The following AGBL4 variants were observed in gnomAD, a reference collection of about 807,000 sequenced individuals.
AGBL4 encodes the protein cytosolic carboxypeptidase 6.
A neutral mutation model predicts 66.4 loss-of-function variants in AGBL4; 58 were observed. That is an observed-to-expected ratio of 0.87 (90% CI 0.71 to 1.09). The LOEUF is 1.09. Ranked by LOEUF, AGBL4 falls within the 50% of genes least tolerant of loss-of-function variation. The probability of loss-of-function intolerance (pLI) is 0.00; values close to 1 mark genes in which losing one functional copy is unlikely to be tolerated. For missense variants in AGBL4, 579 were observed against 631.0 expected, an observed-to-expected ratio of 0.92 and a Z score of 0.88; for synonymous variants, 234 against 222.9, an observed-to-expected ratio of 1.05 and a Z score of -0.44.
At chr1:48,781,370 A>G (rs904133207) in intron 6 of AGBL4, among the ~76,000 whole-genome samples, 3 of 152,220 alleles carry the variant, frequency 2.0e-5, no homozygotes, top group Non-Finnish European at 4.4e-5. Flanking sequence ...GTCTATGGAT[A>G]CAGCTTAATG....
chr1:49,268,082 G>A (rs1387532400), intron 3 of AGBL4: 2 of 152,006 alleles, frequency 1.3e-5, no homozygotes, highest in Non-Finnish European at 2.9e-5. Context: ...TATTAAACAG[G>A]TTCTCCTTCC....
intron 4 of AGBL4, among the ~76,000 whole-genome samples, chr1:49,094,420 C>T (rs529789647): frequency 6.6e-6 from 1 of 152,180 alleles, no homozygotes; most frequent in East Asian, 1.9e-4. Context: ...TTGTTAAAGG[C>T]CTTTTCTGCA....
intron 3 of AGBL4, among the ~76,000 whole-genome samples, chr1:49,555,005 A>G (rs1429162638): frequency 6.6e-6 from 1 of 152,176 alleles, no homozygotes. Context: ...AGAAAGATTT[A>G]CTGTGAAGAG....
At chr1:48,761,453 C>G in intron 6 of AGBL4, 1 of 1,551,036 alleles carries the variant, frequency 6.4e-7, no homozygotes, top group Non-Finnish European at 8.7e-7. Flanking sequence ...ACACTGTTTT[C>G]AAGGTCAGAT....
At chr1:49,840,695 G>C (rs1645969149) in intron 2 of AGBL4, among the ~76,000 whole-genome samples, 1 of 152,076 alleles carries the variant, frequency 6.6e-6, no homozygotes. Context: ...TTTATTCCCA[G>C]GATGAAGTCA....
intron 1 of AGBL4, among the ~76,000 whole-genome samples, chr1:49,946,803 C>T (rs963477321): frequency 2.6e-5 from 4 of 151,628 alleles, no homozygotes; most frequent in South Asian, 4.2e-4. Flanking sequence ...ATTGATAGAC[C>T]ATTACCAAGA....
chr1:49,083,116 C>A (rs1644837264), intron 4 of AGBL4, among the ~76,000 whole-genome samples: 1 of 152,170 alleles, frequency 6.6e-6, no homozygotes, highest in Non-Finnish European at 1.5e-5. Flanking sequence ...ACCCTCCTGG[C>A]TGCTTTCATG....
At chr1:48,605,695 C>T (rs896360708) in intron 9 of AGBL4, among the ~76,000 whole-genome samples, 9 of 152,140 alleles carry the variant, frequency 5.9e-5, no homozygotes, top group African/African-American at 1.7e-4. Context: ...ATAGTAGGTG[C>T]TAAGGAAATC....
At chr1:49,158,381 G>A (rs1646476028) in intron 4 of AGBL4, among the ~76,000 whole-genome samples, 3 of 152,078 alleles carry the variant, frequency 2.0e-5, no homozygotes, top group South Asian at 2.1e-4. Context: ...CTATCATTGA[G>A]TGAGTTTCTT....
chr1:48,619,238 G>A (rs1013969845), intron 9 of AGBL4, among the ~76,000 whole-genome samples: 11 of 152,200 alleles, frequency 7.2e-5, no homozygotes, highest in Non-Finnish European at 1.5e-5. Context: ...GCTATGCTCT[G>A]TGCAAGAGAG....
At chr1:49,709,991 G>A (rs1380912195) in intron 2 of AGBL4, among the ~76,000 whole-genome samples, 1 of 152,168 alleles carries the variant, frequency 6.6e-6, no homozygotes, top group Non-Finnish European at 1.5e-5. Flanking sequence ...CACTGTTGGT[G>A]GGAGTGTAAA....
intron 4 of AGBL4, among the ~76,000 whole-genome samples, chr1:49,111,741 A>G (rs889758206): frequency 1.1e-4 from 17 of 152,234 alleles, no homozygotes; most frequent in African/African-American, 4.1e-4. Context: ...AAATCCCATC[A>G]GATTAAATAA....
In AGBL4 at chr1:49,716,335, T is replaced by C. The variant is rs558384042; in HGVS notation, c.158-18898A>G. ...TATATCTGTTTTGGTACCAGTACCATGCTGTTTTGGTAACTGTAGCCTTGT... is the reference window on the plus strand; with the variant it reads ...TATATCTGTTTTGGTACCAGTACCACGCTGTTTTGGTAACTGTAGCCTTGT... On this transcript the variant is annotated intron_variant, in intron 2 of 13. Transcript: ENST00000371839. Among the ~76,000 whole-genome samples, 46 of 152,260 alleles carry C rather than the reference T, an allele frequency of 3.0e-4. 1 individual carries two copies. The South Asian group carries it at 5.4e-3, about 18-fold the overall frequency.
intron 1 of AGBL4, among the ~76,000 whole-genome samples, chr1:49,950,018 ATATGTG>A (rs1413413088): frequency 1.8e-4 from 3 of 17,138 alleles, no homozygotes; most frequent in East Asian, 3.8e-3. Context: ...ATACACACAC[ATATGTG>A]TGTGTGTGTA....
chr1:49,854,967 T>C (rs1449302271), intron 1 of AGBL4, among the ~76,000 whole-genome samples: 1 of 152,210 alleles, frequency 6.6e-6, no homozygotes, highest in African/African-American at 2.4e-5. Flanking sequence ...GTTTTATAGA[T>C]GGTTGGCATT....
At chr1:49,754,298 T>G (rs1431653874) in intron 2 of AGBL4, among the ~76,000 whole-genome samples, 10 of 121,262 alleles carry the variant, frequency 8.2e-5, no homozygotes, top group South Asian at 2.5e-4. Flanking sequence ...TTTTTAATGT[T>G]TTTTTTTTAT....
At chr1:49,814,062 A>G (rs930216304) in intron 2 of AGBL4, among the ~76,000 whole-genome samples, 4 of 152,160 alleles carry the variant, frequency 2.6e-5, no homozygotes, top group Admixed American at 2.0e-4. Context: ...GCCTTCTGCC[A>G]TGACTGTGAG....
chr1:49,227,798 A>G (rs1650022906), intron 4 of AGBL4, among the ~76,000 whole-genome samples: 1 of 152,204 alleles, frequency 6.6e-6, no homozygotes, highest in Non-Finnish European at 1.5e-5. Context: ...ACATTAAACA[A>G]TCACTCAATA....
chr1:49,574,940 GC>G, intron 3 of AGBL4, among the ~76,000 whole-genome samples: 1 of 151,982 alleles, frequency 6.6e-6, no homozygotes, highest in East Asian at 1.9e-4. Flanking sequence ...GAGAATCATG[GC>G]CCCTCAATCA....
Sources: gnomAD v4.1 joint callset for allele counts (sites outside exome capture counted in the v4.1 genomes callset) on GRCh38, gnomAD v4.1.1 for gene constraint, MANE v1.5 for transcripts, NCBI Gene and HGNC (gene_info 2026-07-23, HGNC 2026-07-21) for gene names.